BTN2A2: variants seen among roughly 807,000 people sequenced by gnomAD.
BTN2A2 encodes butyrophilin subfamily 2 member A2.
Under a neutral mutation model 34.7 loss-of-function variants are expected in BTN2A2, and 29 were observed. The observed-to-expected ratio is 0.84, with a 90% confidence interval of 0.62 to 1.14. The LOEUF is 1.14. BTN2A2 is among the 50% of genes most tolerant of loss of function. The probability of loss-of-function intolerance (pLI) is 0.00; values close to 1 mark genes in which losing one functional copy is unlikely to be tolerated. For synonymous variants in BTN2A2, 240 were observed against 253.1 expected (o/e 0.95, Z 0.49); for missense variants, 612 against 651.5 (o/e 0.94, Z 0.66).
chr6:26,389,526 C>T (rs569474467), intron 4 of BTN2A2, among the ~76,000 whole-genome samples: 3 of 152,214 alleles, frequency 2.0e-5, no homozygotes, highest in South Asian at 4.1e-4. Context: ...GATGCAACTA[C>T]GTTATATATG....
intron 3 of BTN2A2, among the ~76,000 whole-genome samples, chr6:26,385,945 T>C (rs1761175565): frequency 6.6e-6 from 1 of 152,214 alleles, no homozygotes; most frequent in Non-Finnish European, 1.5e-5. Flanking sequence ...TATGCCTGCC[T>C]TGGCACTGAA....
At position 26,392,853 on chromosome 6, in the gene BTN2A2, A is replaced by G. The variant is rs1052746443; in HGVS notation, c.1458A>G (p.Leu486=). ...TGCCTGTGAGGCCCTTCTTCAGGTT[A>G]GGGTCTGATGACAGCCCCATCTTCA... is the stretch of plus-strand genomic sequence containing the variant. ...FTVPVRPFFR[L]GSDDSPIFIC... Residue 486 remains leucine (L), a synonymous_variant, in exon 8 of 8, where the codon TTA becomes TTG. Coordinates refer to ENST00000356709, the MANE Select transcript of BTN2A2 (RefSeq NM_006995.5). The G allele has an allele frequency of 1.1e-5, 17 of 1,614,062 alleles. No homozygotes were observed. Among genetic ancestry groups the G allele is most frequent in the Admixed American group, 3.3e-5 (2 of 59,994 alleles).
chr6:26,385,240 T>A lies in BTN2A2; in HGVS notation c.320T>A (p.Ile107Asn). Residue 107 changes from isoleucine (I) to asparagine (N), a missense_variant, in exon 3 of 8, where the codon ATC becomes AAC. By Grantham distance (149) the Ile-to-Asn change is moderately radical. Transcript: ENST00000356709. ...RGRITFVSKD[I>N]NRGSVALVIH... ...AGAATCACCTTTGTGAGCAAAGACA[T>A]CAACAGGGGCAGCGTGGCCCTGGTC... 6.2e-7 allele frequency: 1 copy of A among 1,614,064 alleles called. No homozygotes were observed. The highest frequency in any genetic ancestry group is 8.5e-7 in the Non-Finnish European group (1 of 1,180,018).
In BTN2A2 at chr6:26,385,367, A is replaced by G. The variant is rs1340350558; in HGVS notation, c.442+5A>G. 3.7e-6 allele frequency: 6 copies of G among 1,610,004 alleles called. No individual in the cohort carries two copies. Among genetic ancestry groups the G allele is most frequent in the East Asian group, 2.2e-5 (1 of 44,772 alleles). Reference sequence around the variant, plus strand: ...TCCTACGCCTCGTGGTGGCAGGTGCATCACTTCATTTTGCTTTATTACTTT... The same window carrying G: ...TCCTACGCCTCGTGGTGGCAGGTGCGTCACTTCATTTTGCTTTATTACTTT... On this transcript the variant is annotated splice_donor_5th_base_variant and intron_variant, in intron 3 of 7. Coordinates refer to ENST00000356709, the MANE Select transcript of BTN2A2 (RefSeq NM_006995.5).
Position 26,392,933 on chromosome 6 carries a change from A to C in BTN2A2, c.1538A>C (p.Lys513Thr), listed in dbSNP as rs73736249. Residue 513 changes from lysine to threonine, a missense_variant, in exon 8 of 8, where the codon AAA becomes ACA. Transcript: ENST00000356709. ...SGVMVPEEGLKLHRVGTHQSL is the reference protein window; with the variant it reads ...SGVMVPEEGLTLHRVGTHQSL ...GTCATGGTGCCTGAAGAGGGCCTGA[A>C]ACTTCACAGAGTGGGGACCCACCAG... The C allele has an allele frequency of 6.6e-3, 10,621 of 1,614,056 alleles. 63 individuals are homozygous for C. Among genetic ancestry groups the C allele is most frequent in the African/African-American group, 0.024 (1,784 of 75,036 alleles).
intron 4 of BTN2A2, among the ~76,000 whole-genome samples, chr6:26,389,428 T>A (rs1761427456): frequency 6.6e-6 from 1 of 152,176 alleles, no homozygotes; most frequent in Non-Finnish European, 1.5e-5. Flanking sequence ...GGAGCTTGTC[T>A]GGCAGTTTCC....
Position 26,383,693 on chromosome 6 carries a change from G to A in BTN2A2, c.-30-99G>A. Reference sequence around the variant, plus strand: ...GATGCAAGCGACTCCCAGAAGTTGGGGCACCGATGAGACCTACTTGAGTGA... The same window carrying A: ...GATGCAAGCGACTCCCAGAAGTTGGAGCACCGATGAGACCTACTTGAGTGA... On this transcript the variant is annotated intron_variant, in intron 1 of 7. Coordinates refer to ENST00000356709, the MANE Select transcript of BTN2A2 (RefSeq NM_006995.5). The surrounding 1 kb of genome is among the most constrained non-coding windows in gnomAD (Gnocchi z 4.4). The A allele has an allele frequency of 1.2e-6, 1 of 868,902 alleles. No individual in the cohort carries two copies. The highest frequency in any genetic ancestry group is 2.4e-5 in the East Asian group (1 of 41,158). 53.8% of individuals were successfully genotyped at this position (868,902 alleles called of 1,614,324 possible). A position where few individuals can be genotyped will look rare whatever the true frequency, so the allele number is the denominator to read the frequency against.
chr6:26,386,876 T>C (rs919584325), intron 3 of BTN2A2, among the ~76,000 whole-genome samples: 1 of 152,240 alleles, frequency 6.6e-6, no homozygotes, highest in Non-Finnish European at 1.5e-5. Context: ...TGTGTGAGCC[T>C]TCAAATGCAC....
chr6:26,386,380 G>T (rs1178021757), intron 3 of BTN2A2, among the ~76,000 whole-genome samples: 1 of 152,214 alleles, frequency 6.6e-6, no homozygotes, highest in Non-Finnish European at 1.5e-5. Flanking sequence ...TTAAGTTGCA[G>T]AATAATTCGT....
chr6:26,392,554 G>A lies in BTN2A2; in HGVS notation c.1159G>A (p.Glu387Lys), dbSNP rs1253561226. 5 of 1,614,138 alleles carry A rather than the reference G, an allele frequency of 3.1e-6. No homozygotes were observed. The highest frequency in any genetic ancestry group is 3.3e-5 in the Admixed American group (2 of 60,010). Residue 387 changes from glutamate (E) to lysine (K), a missense_variant, in exon 8 of 8, where the codon GAG (glutamate) becomes AAG (lysine). Glu to Lys is a moderately conservative substitution (Grantham distance 56, BLOSUM62 1). Transcript: ENST00000356709. ...FASGKHYWEV[E>K]VENVMVWTVG... ...CTCAGGGAAACATTACTGGGAGGTG[G>A]AGGTGGAAAACGTGATGGTGTGGAC...
rs531770086 is a variant in BTN2A2, at chr6:26,390,824, A to G, written c.974A>G (p.His325Arg). ...EELRWRRTFL[H>R]AADVVLDPDT... ...GCAGGATGGAGAAGAACATTCTTAC[A>G]TGCTGGTGAGTGCCTCTGATGTTCT... Residue 325 changes from histidine to arginine, a missense_variant, in exon 7 of 8, where the codon CAT (histidine) becomes CGT (arginine). Transcript: ENST00000356709. The G allele has an allele frequency of 1.9e-6, 3 of 1,614,166 alleles. No individual in the cohort carries two copies. The highest frequency in any genetic ancestry group is 2.7e-5 in the African/African-American group (2 of 75,044).
intron 6 of BTN2A2, 34 bp downstream of exon 6, chr6:26,390,741 CA>C: frequency 1.2e-6 from 2 of 1,614,246 alleles, no homozygotes; most frequent in Non-Finnish European, 1.7e-6. Flanking sequence ...ACTCCGTGTA[CA>C]ATTTGTGTTC....
rs1581600709 is a variant in BTN2A2 at position 26,389,346 on chromosome 6, C to A, written c.725-659C>A. Among the ~76,000 whole-genome samples the A allele has an allele frequency of 2.0e-5, 3 of 152,000 alleles. No homozygotes were observed. The South Asian group carries it at 6.2e-4, about 32-fold the overall frequency. On this transcript the variant is annotated intron_variant, in intron 4 of 7. Coordinates refer to ENST00000356709, the MANE Select transcript of BTN2A2 (RefSeq NM_006995.5). Reference sequence around the variant, plus strand: ...AAAGATGGAAATTGAGCAATCAAGACAAGGAACCATCAGATGCTTAAGGAC... The same window carrying A: ...AAAGATGGAAATTGAGCAATCAAGAAAAGGAACCATCAGATGCTTAAGGAC...
rs772898690 is a variant in BTN2A2 at position 26,392,688 on chromosome 6, C to G, written c.1293C>G (p.Ser431=). The G allele has an allele frequency of 6.2e-7, 1 of 1,614,218 alleles. No homozygotes were observed. The highest frequency in any genetic ancestry group is 8.5e-7 in the Non-Finnish European group (1 of 1,180,032). Residue 431 remains serine, a synonymous_variant, in exon 8 of 8, where the codon TCC becomes TCG. Transcript: ENST00000356709. ...EMFGNQYRAL[S]SPERILPLKE... ...TTGGAAACCAATACCGGGCCCTGTCCTCCCCTGAGAGGATTCTCCCTTTGA... is the reference window on the plus strand; with the variant it reads ...TTGGAAACCAATACCGGGCCCTGTCGTCCCCTGAGAGGATTCTCCCTTTGA...
rs1761091769 is a variant in BTN2A2, at chr6:26,384,990, G to T, written c.95-25G>T. On this transcript the variant is annotated intron_variant, in intron 2 of 7. Transcript: ENST00000356709. The surrounding 1 kb of genome is among the most constrained non-coding windows in gnomAD (Gnocchi z 4.0). ...TAGAGTTGTGATAACTGGCATCCTTGTCTGATTCTGCCCTTGTTGAACAGC... is the reference window on the plus strand; with the variant it reads ...TAGAGTTGTGATAACTGGCATCCTTTTCTGATTCTGCCCTTGTTGAACAGC... The T allele has an allele frequency of 3.1e-6, 5 of 1,598,982 alleles. No homozygotes were observed. Among genetic ancestry groups the T allele is most frequent in the Non-Finnish European group, 4.3e-6 (5 of 1,168,136 alleles).
rs144759707 is a variant in BTN2A2, at chr6:26,390,612, G to A, written c.932-75G>A. 1.0e-5 allele frequency: 16 copies of A among 1,591,764 alleles called. No homozygotes were observed. In the East Asian group the frequency reaches 1.1e-4, roughly 11 times the overall value. On this transcript the variant is annotated intron_variant, in intron 5 of 7. Coordinates refer to ENST00000356709, the MANE Select transcript of BTN2A2 (RefSeq NM_006995.5). ...TGTTCATAGAAAGGATGGTTCCTAC[G>A]TTGTTTAATACAAGCTCAATTTCTC... is the stretch of plus-strand genomic sequence containing the variant.
intron 4 of BTN2A2, among the ~76,000 whole-genome samples, chr6:26,389,589 A>AT (rs1221223966): frequency 6.6e-6 from 1 of 151,868 alleles, no homozygotes; most frequent in African/African-American, 2.4e-5. Context: ...AGTGGGAAGC[A>AT]TTGGAAGGTT....
chr6:26,388,100 A>G lies in BTN2A2; in HGVS notation c.530A>G (p.Glu177Gly), dbSNP rs755680633. ...LECISGGWYP[E>G]PLTVWRDPYG... ...TGCATATCTGGAGGGTGGTACCCAG[A>G]GCCCCTCACAGTGTGGAGGGACCCC... The change falls in exon 4 of 8, where the codon GAG becomes GGG. Residue 177 changes from glutamate (E) to glycine (G), a missense_variant. By Grantham distance (98) the Glu-to-Gly change is moderately conservative. Transcript: ENST00000356709. 2 of 1,614,048 alleles carry G rather than the reference A, an allele frequency of 1.2e-6. No individual in the cohort carries two copies. Among genetic ancestry groups the G allele is most frequent in the South Asian group, 2.2e-5 (2 of 91,080 alleles).
rs200888343 is a variant in BTN2A2 at position 26,392,735 on chromosome 6, G to A, written c.1340G>A (p.Gly447Asp). Reference protein sequence around the residue: ...LPLKESLCRVGVFLDYEAGDV... With the variant: ...LPLKESLCRVDVFLDYEAGDV... ...TTGAAGGAGTCCCTTTGCCGGGTGGGCGTCTTCCTGGACTATGAAGCTGGA... is the reference window on the plus strand; with the variant it reads ...TTGAAGGAGTCCCTTTGCCGGGTGGACGTCTTCCTGGACTATGAAGCTGGA... The change falls in exon 8 of 8, where the codon GGC (glycine) becomes GAC (aspartate). Residue 447 changes from glycine to aspartate, a missense_variant. Physicochemically the swap from Gly to Asp is moderately conservative, Grantham distance 94 (BLOSUM62 -1). Transcript: ENST00000356709. 5.0e-6 allele frequency: 8 copies of A among 1,614,196 alleles called. No homozygotes were observed. The highest frequency in any genetic ancestry group is 5.9e-6 in the Non-Finnish European group (7 of 1,180,032).
Sources: gnomAD v4.1 joint callset for allele counts (sites outside exome capture counted in the v4.1 genomes callset) on GRCh38, gnomAD v4.1.1 for gene constraint, Gnocchi (gnomAD v3.1) non-coding constraint, MANE v1.5 for transcripts, NCBI Gene and HGNC (gene_info 2026-07-23, HGNC 2026-07-21) for gene names.